The following ABCA1 variants were observed in gnomAD, a reference collection of about 807,000 sequenced individuals.
ABCA1 encodes the protein ATP binding cassette subfamily A member 1.
ABCA1 carries 133 observed loss-of-function variants against 262.5 expected under a neutral mutation model. The ratio of observed to expected loss-of-function variants is 0.51; its 90% CI spans 0.44 to 0.59. The LOEUF is 0.59. Ranked by LOEUF, ABCA1 falls within the 20% of genes least tolerant of loss-of-function variation. The pLI, the probability that ABCA1 is intolerant of heterozygous loss-of-function variation, is 0.00. For synonymous variants in ABCA1, 1,022 were observed against 1,043.5 expected, an observed-to-expected ratio of 0.98 and a Z score of 0.40; for missense variants, 2,452 against 2,777.5, an observed-to-expected ratio of 0.88 and a Z score of 2.63.
rs186454048 is a variant in ABCA1, at chr9:104,853,076, T to C, written c.720+5446A>G. ...ATCTGTACACAGCTCAGCTGTGACATTACTTGTCTTCTGGGAGCCTCGGGG... is the reference window on the plus strand; with the variant it reads ...ATCTGTACACAGCTCAGCTGTGACACTACTTGTCTTCTGGGAGCCTCGGGG... On this transcript the variant is annotated intron_variant, in intron 7 of 49. Transcript: ENST00000374736. 3.3e-5 allele frequency among the ~76,000 whole-genome samples: 5 copies of C among 152,302 alleles called. No individual in the cohort carries two copies. The East Asian group carries it at 9.6e-4, about 29-fold the overall frequency.
intron 5 of ABCA1, among the ~76,000 whole-genome samples, chr9:104,875,035 T>C (rs1184295716): frequency 6.6e-6 from 1 of 151,940 alleles, no homozygotes; most frequent in East Asian, 1.9e-4. Flanking sequence ...AATGGCAGTT[T>C]TGTCGAATAG....
At chr9:104,828,782 G>T in intron 15 of ABCA1, 134 bp downstream of exon 15, 1 of 1,001,376 alleles carries the variant, frequency 1.0e-6, no homozygotes. Context: ...ATAAATGGAT[G>T]AAATTGCAGG....
chr9:104,874,331 GCAAACATGGTCAGGAGTT>G (rs1286932289), intron 5 of ABCA1, among the ~76,000 whole-genome samples: 1 of 152,130 alleles, frequency 6.6e-6, no homozygotes, highest in Non-Finnish European at 1.5e-5. Context: ...GTTCAACATG[GCAAACATGGTCAGGAGTT>G]CAAAGATGGT....
intron 2 of ABCA1, among the ~76,000 whole-genome samples, chr9:104,897,287 G>A (rs1397389699): frequency 6.6e-6 from 1 of 152,150 alleles, no homozygotes; most frequent in Non-Finnish European, 1.5e-5. Flanking sequence ...CTCATGCATT[G>A]ATGGTGGCTA....
At position 104,825,756 on chromosome 9, in the gene ABCA1, A is replaced by G; in HGVS notation, c.2469T>C (p.Thr823=). The G allele has an allele frequency of 6.2e-7, 1 of 1,614,212 alleles. No individual in the cohort carries two copies. The highest frequency in any genetic ancestry group is 8.5e-7 in the Non-Finnish European group (1 of 1,180,032). Residue 823 remains threonine (T), a synonymous_variant, in exon 17 of 50, where the codon ACT becomes ACC. Coordinates refer to ENST00000374736, the MANE Select transcript of ABCA1 (RefSeq NM_005502.4). ...TGTCAAACAGCATCATGGAGACCGA[A>G]GTGGTGAGATTGAAGCCATCTTCCT... ...PVEEDGFNLT[T]SVSMMLFDTF... is the part of the protein sequence containing the mutation.
At chr9:104,838,476 G>T (rs542825507) in intron 9 of ABCA1, among the ~76,000 whole-genome samples, 2 of 151,176 alleles carry the variant, frequency 1.3e-5, no homozygotes, top group Admixed American at 1.3e-4. Context: ...AATTAGCTGG[G>T]CATGGTGGCG....
intron 32 of ABCA1, among the ~76,000 whole-genome samples, chr9:104,804,013 G>A (rs1288428665): frequency 6.6e-6 from 1 of 152,164 alleles, no homozygotes; most frequent in Non-Finnish European, 1.5e-5. Context: ...GCATGCCCAT[G>A]CCATTTAAAG....
chr9:104,851,580 G>A (rs1232225669), intron 7 of ABCA1, among the ~76,000 whole-genome samples: 1 of 151,988 alleles, frequency 6.6e-6, no homozygotes, highest in Non-Finnish European at 1.5e-5. Context: ...CATTCTTTAG[G>A]TCCCCACTTA....
In ABCA1 at chr9:104,820,045, C is replaced by G. The variant is rs1832173480; in HGVS notation, c.2985G>C (p.Trp995Cys). 1 of 1,614,180 alleles carries G rather than the reference C, an allele frequency of 6.2e-7. No homozygotes were observed. The highest frequency in any genetic ancestry group is 1.3e-5 in the African/African-American group (1 of 75,040). The change falls in exon 21 of 50, where the codon TGG (tryptophan) becomes TGC (cysteine). Residue 995 changes from tryptophan (W) to cysteine (C), a missense_variant. Coordinates refer to ENST00000374736, the MANE Select transcript of ABCA1 (RefSeq NM_005502.4). ...FDMLTVEEHI[W>C]FYARLKGLSE... is the part of the protein sequence containing the mutation. The stretch of plus-strand genomic sequence containing the variant: ...AGAGCCCTTTCAAGCGGGCATAGAA[C>G]CAGATGTGTTCTTCGACAGTCAGCC...
intron 5 of ABCA1, 63 bp downstream of exon 5, chr9:104,882,974 ACT>A (rs1465635243): frequency 1.4e-6 from 2 of 1,386,676 alleles, no homozygotes; most frequent in Non-Finnish European, 2.1e-6. Context: ...CACCTGGGCT[ACT>A]CTCTTTCCCT....
rs772192750 is a variant in ABCA1 at position 104,827,151 on chromosome 9, A to G, written c.2134T>C (p.Tyr712His). 12 of 1,614,214 alleles carry G rather than the reference A, an allele frequency of 7.4e-6. No homozygotes were observed. Among genetic ancestry groups the G allele is most frequent in the Middle Eastern group, 3.3e-4 (2 of 6,060 alleles). The change falls in exon 16 of 50, where the codon TAC becomes CAC. Residue 712 changes from tyrosine to histidine, a missense_variant. Tyr to His is a moderately conservative substitution (Grantham distance 83). Coordinates refer to ENST00000374736, the MANE Select transcript of ABCA1 (RefSeq NM_005502.4). Reference protein sequence around the residue: ...VILKLGNLLPYSDPSVVFVFL... With the variant: ...VILKLGNLLPHSDPSVVFVFL... ...ACAAACACCACGCTGGGATCACTGT[A>G]GGGCAGCAGGTTTCCTAACTGGGAA... is the stretch of plus-strand genomic sequence containing the variant.
At chr9:104,819,856 T>C (rs771592728) in intron 21 of ABCA1, 71 bp downstream of exon 21, 11 of 1,608,756 alleles carry the variant, frequency 6.8e-6, no homozygotes, top group Non-Finnish European at 8.5e-6. Flanking sequence ...GGGGCAGTGC[T>C]GATTTTCCTC....
chr9:104,836,521 C>T (rs1228874355), intron 11 of ABCA1, among the ~76,000 whole-genome samples: 1 of 152,178 alleles, frequency 6.6e-6, no homozygotes, highest in Non-Finnish European at 1.5e-5. Context: ...TGCATTTCCC[C>T]TCCACACAGT....
intron 1 of ABCA1, among the ~76,000 whole-genome samples, chr9:104,919,862 C>T (rs1219711354): frequency 6.6e-6 from 1 of 152,168 alleles, no homozygotes; most frequent in African/African-American, 2.4e-5. Context: ...CAACAGCTTC[C>T]TCTCCTCCCT....
At chr9:104,798,351 T>C (rs1052806606) in intron 37 of ABCA1, 70 bp downstream of exon 37, 21 of 1,553,510 alleles carry the variant, frequency 1.4e-5, no homozygotes, top group Non-Finnish European at 1.9e-5. Flanking sequence ...CCAGAGCTCT[T>C]TCTTTCTTAT....
At chr9:104,898,222 T>G (rs550351581) in intron 2 of ABCA1, among the ~76,000 whole-genome samples, 1 of 152,162 alleles carries the variant, frequency 6.6e-6, no homozygotes, top group Non-Finnish European at 1.5e-5. Context: ...CAATGTGGCC[T>G]GACTACCTCA....
intron 6 of ABCA1, among the ~76,000 whole-genome samples, chr9:104,861,045 C>T (rs2472433): frequency 0.38 from 58,020 of 151,980 alleles, 12,954 homozygotes; most frequent in African/African-American, 0.62. Context: ...CGTGGGATTA[C>T]AGACCTTTGA....
intron 5 of ABCA1, among the ~76,000 whole-genome samples, chr9:104,876,522 G>A (rs534556444): frequency 1.3e-5 from 2 of 152,342 alleles, no homozygotes; most frequent in South Asian, 4.1e-4. Flanking sequence ...AGAGGAGCAG[G>A]CCTTGGGACC....
intron 1 of ABCA1, among the ~76,000 whole-genome samples, chr9:104,922,686 C>T (rs1481690082): frequency 6.6e-6 from 1 of 152,166 alleles, no homozygotes; most frequent in Non-Finnish European, 1.5e-5. Context: ...AAGAAAGGCA[C>T]TTTCTCATCC....
Sources: allele counts gnomAD v4.1 joint callset (sites outside exome capture counted in the v4.1 genomes callset), GRCh38; gene constraint gnomAD v4.1.1; transcripts MANE v1.5; gene names NCBI Gene and HGNC (gene_info 2026-07-23, HGNC 2026-07-21).